The following MOG variants were observed in gnomAD, a reference collection of about 807,000 sequenced individuals.
MOG encodes myelin oligodendrocyte glycoprotein.
In MOG, 20 loss-of-function variants were observed where a neutral mutation model predicts 35.9. That is an observed-to-expected ratio of 0.56 (90% CI 0.39 to 0.81). The LOEUF (loss-of-function observed/expected upper bound fraction) is 0.81. Ranked by LOEUF, MOG falls within the 30% of genes least tolerant of loss-of-function variation. The pLI, the probability that MOG is intolerant of heterozygous loss-of-function variation, is 0.00. For missense variants in MOG, 251 were observed against 301.0 expected (o/e 0.83, Z 1.23); for synonymous variants, 92 against 114.3 (o/e 0.80, Z 1.25).
At chr6:29,665,334 G>A (rs1314812798) in intron 2 of MOG, among the ~76,000 whole-genome samples, 3 of 151,034 alleles carry the variant, frequency 2.0e-5, no homozygotes, top group African/African-American at 4.9e-5. Context: ...AACCTCAGGC[G>A]ATCCGCCCGC....
intron 2 of MOG, among the ~76,000 whole-genome samples, chr6:29,663,052 G>C (rs1769234773): frequency 6.6e-6 from 1 of 152,130 alleles, no homozygotes; most frequent in African/African-American, 2.4e-5. Context: ...GGCGAATCAT[G>C]AGGTCAAGAG....
rs1185015107 is a variant in MOG at position 29,662,790 on chromosome 6, T to A, written c.436+3124T>A. ...CATCCTCCCACCTCAGCCTACATAG[T>A]AGCTGGGACCACAGGCACACACCAC... On this transcript the variant is annotated intron_variant, in intron 2 of 7. Coordinates refer to ENST00000376917, the MANE Select transcript of MOG (RefSeq NM_206809.4). The surrounding 1 kb of genome is among the most constrained non-coding windows in gnomAD (Gnocchi z 4.2). Among the ~76,000 whole-genome samples the A allele has an allele frequency of 6.6e-6, 1 of 152,076 alleles. No homozygotes were observed. Among genetic ancestry groups the A allele is most frequent in the Non-Finnish European group, 1.5e-5 (1 of 67,998 alleles).
intron 5 of MOG, among the ~76,000 whole-genome samples, chr6:29,668,671 CCA>C (rs143079727): frequency 6.6e-6 from 1 of 151,602 alleles, no homozygotes. Context: ...AGTGTGTGGA[CCA>C]CACACACACA....
chr6:29,667,413 G>T (rs1370307117), intron 3 of MOG, among the ~76,000 whole-genome samples: 1 of 152,170 alleles, frequency 6.6e-6, no homozygotes, highest in Non-Finnish European at 1.5e-5. Context: ...GGATGCTTGT[G>T]CTGGCTTGGA....
chr6:29,668,546 A>G (rs1227830328), intron 5 of MOG, among the ~76,000 whole-genome samples: 1 of 152,240 alleles, frequency 6.6e-6, no homozygotes, highest in African/African-American at 2.4e-5. Context: ...TAGGGCACAG[A>G]TGGTACCTTC....
chr6:29,659,723 T>A, intron 2 of MOG, 57 bp downstream of exon 2: 1 of 1,403,416 alleles, frequency 7.1e-7, no homozygotes, highest in East Asian at 2.4e-5. Flanking sequence ...GAACAATTAT[T>A]CTCTCAACTG....
chr6:29,658,971 A>G (rs113678842), intron 1 of MOG, among the ~76,000 whole-genome samples: 10,259 of 151,972 alleles, frequency 0.068, 496 homozygotes, highest in African/African-American at 0.14. Context: ...AATTAGCTGG[A>G]TGCGGCGGTA....
Position 29,670,147 on chromosome 6 carries a change from C to T in MOG, c.593-134C>T, listed in dbSNP as rs1562208562. 1 of 1,461,626 alleles carries T rather than the reference C, an allele frequency of 6.8e-7. No homozygotes were observed. The highest frequency in any genetic ancestry group is 9.6e-7 in the Non-Finnish European group (1 of 1,040,944). 90.5% of individuals were successfully genotyped at this position (1,461,626 alleles called of 1,614,324 possible). On this transcript the variant is annotated intron_variant, in intron 5 of 7. Coordinates refer to ENST00000376917, the MANE Select transcript of MOG (RefSeq NM_206809.4). The surrounding 1 kb of genome is among the most constrained non-coding windows in gnomAD (Gnocchi z 4.2). ...AGGCAGTACTTTTCTCATCCAAGTT[C>T]ATGGACTTTCTGAATTTTGTCCCCA...
At chr6:29,667,835 C>A (rs1770555398) in intron 4 of MOG, 69 bp from the exon 5 acceptor site, 2 of 1,587,722 alleles carry the variant, frequency 1.3e-6, no homozygotes, top group East Asian at 2.2e-5. Context: ...AATTAAATAA[C>A]AAAGACTCAG....
In MOG at chr6:29,671,789, C is replaced by G. The variant is rs1771517491; in HGVS notation, c.*604C>G. On this transcript the variant is annotated 3_prime_UTR_variant, in exon 8 of 8. Coordinates refer to ENST00000376917, the MANE Select transcript of MOG (RefSeq NM_206809.4). ...CCTTGTCTTGGCAGCCTACTAGGGA[C>G]CTGGGGAAGCAAAAACGAAAGCTGG... is the stretch of plus-strand genomic sequence containing the variant. The G allele has an allele frequency of 2.7e-6, 1 of 374,582 alleles. No homozygotes were observed. Among genetic ancestry groups the G allele is most frequent in the Admixed American group, 4.1e-5 (1 of 24,296 alleles). 23.2% of individuals were successfully genotyped at this position (374,582 alleles called of 1,614,324 possible). A position where few individuals can be genotyped will look rare whatever the true frequency, so the allele number is the denominator to read the frequency against.
chr6:29,662,205 C>T lies in MOG; in HGVS notation c.436+2539C>T, dbSNP rs555550670. 10 of 984,340 alleles carry T rather than the reference C, an allele frequency of 1.0e-5. No individual in the cohort carries two copies. Among genetic ancestry groups the T allele is most frequent in the Non-Finnish European group, 1.1e-5 (9 of 829,134 alleles). 61.0% of individuals were successfully genotyped at this position (984,340 alleles called of 1,614,324 possible). Reference sequence around the variant, plus strand: ...CATTATGAAACATAAAAACAAATGCCAGGCGCGGCAGCTCACGCCTGTAAT... The same window carrying T: ...CATTATGAAACATAAAAACAAATGCTAGGCGCGGCAGCTCACGCCTGTAAT... On this transcript the variant is annotated intron_variant, in intron 2 of 7. Transcript: ENST00000376917. The surrounding 1 kb of genome is among the most constrained non-coding windows in gnomAD (Gnocchi z 4.2).
intron 5 of MOG, among the ~76,000 whole-genome samples, chr6:29,668,766 C>G (rs569172879): frequency 6.6e-6 from 1 of 152,234 alleles, no homozygotes; most frequent in African/African-American, 2.4e-5. Context: ...CTTTTTGTAC[C>G]ATGAATCTCT....
chr6:29,658,215 G>A lies in MOG; in HGVS notation c.88+918G>A, dbSNP rs150169785. ...CCAGTAGGTTTTTATAAAGGAACCCGGCTGTCACGTGCAGAGGAGAAATAA... is the reference window on the plus strand; with the variant it reads ...CCAGTAGGTTTTTATAAAGGAACCCAGCTGTCACGTGCAGAGGAGAAATAA... On this transcript the variant is annotated intron_variant, in intron 1 of 7. Transcript: ENST00000376917. Among the ~76,000 whole-genome samples the A allele has an allele frequency of 3.3e-4, 50 of 152,274 alleles. No individual in the cohort carries two copies. The East Asian group carries it at 5.4e-3, about 16-fold the overall frequency.
rs953745403 is a variant in MOG at position 29,662,988 on chromosome 6, G to A, written c.437-3164G>A. 1.3e-5 allele frequency among the ~76,000 whole-genome samples: 2 copies of A among 151,944 alleles called. No individual in the cohort carries two copies. The highest frequency in any genetic ancestry group is 4.8e-5 in the African/African-American group (2 of 41,352). On this transcript the variant is annotated intron_variant, in intron 2 of 7. Coordinates refer to ENST00000376917, the MANE Select transcript of MOG (RefSeq NM_206809.4). The surrounding 1 kb of genome is among the most constrained non-coding windows in gnomAD (Gnocchi z 4.2). ...AAGAACACTTTTTAAAAAATAAATA[G>A]GCCGGGCGCGGTGGCTCACACCTGT...
chr6:29,665,805 C>T (rs1345568473), intron 2 of MOG, among the ~76,000 whole-genome samples: 2 of 138,558 alleles, frequency 1.4e-5, no homozygotes, highest in Non-Finnish European at 3.1e-5. Flanking sequence ...TGCTTGTAGG[C>T]GATACACCAC....
chr6:29,659,365 C>A lies in MOG; in HGVS notation c.135C>A (p.Val45=), dbSNP rs1432366784. ...IGPRHPIRAL[V]GDEVELPCRI... ...CAAGACACCCTATCCGGGCTCTGGTCGGGGATGAAGTGGAATTGCCATGTC... is the reference window on the plus strand; with the variant it reads ...CAAGACACCCTATCCGGGCTCTGGTAGGGGATGAAGTGGAATTGCCATGTC... Residue 45 remains valine (V), a synonymous_variant, in exon 2 of 8, where the codon GTC becomes GTA. Coordinates refer to ENST00000376917, the MANE Select transcript of MOG (RefSeq NM_206809.4). 2 of 1,612,886 alleles carry A rather than the reference C, an allele frequency of 1.2e-6. No homozygotes were observed. The highest frequency in any genetic ancestry group is 2.2e-5 in the East Asian group (1 of 44,872).
rs753458439 is a variant in MOG, at chr6:29,659,387, T to C, written c.157T>C (p.Cys53Arg). ...GGTCGGGGATGAAGTGGAATTGCCA[T>C]GTCGCATATCTCCTGGGAAGAACGC... ...ALVGDEVELP[C>R]RISPGKNATG... The change falls in exon 2 of 8, where the codon TGT (cysteine) becomes CGT (arginine). Residue 53 changes from cysteine (C) to arginine (R), a missense_variant. Cys to Arg is a radical substitution (Grantham distance 180). Transcript: ENST00000376917. 1.9e-6 allele frequency: 3 copies of C among 1,613,002 alleles called. No individual in the cohort carries two copies. The highest frequency in any genetic ancestry group is 2.2e-5 in the East Asian group (1 of 44,870).
At chr6:29,660,919 G>T (rs1356063217) in intron 2 of MOG, among the ~76,000 whole-genome samples, 1 of 151,900 alleles carries the variant, frequency 6.6e-6, no homozygotes, top group Non-Finnish European at 1.5e-5. Flanking sequence ...AGGTTGTCAA[G>T]GTTGGTCTCA....
In MOG at chr6:29,672,103, A is replaced by T; in HGVS notation, c.*918A>T. ...GGAGTTCAAGACCAGCCTGGCCAAC[A>T]TGGTGAAACCCCATCTCTACTAAAA... is the stretch of plus-strand genomic sequence containing the variant. On this transcript the variant is annotated 3_prime_UTR_variant, in exon 8 of 8. Transcript: ENST00000376917. The T allele has an allele frequency of 6.5e-6, 1 of 153,904 alleles. No homozygotes were observed. The highest frequency in any genetic ancestry group is 1.4e-5 in the Non-Finnish European group (1 of 69,302). 9.5% of individuals were successfully genotyped at this position (153,904 alleles called of 1,614,324 possible).
Sources: gnomAD v4.1 joint callset for allele counts (sites outside exome capture counted in the v4.1 genomes callset) on GRCh38, gnomAD v4.1.1 for gene constraint, Gnocchi (gnomAD v3.1) non-coding constraint, MANE v1.5 for transcripts, NCBI Gene and HGNC (gene_info 2026-07-23, HGNC 2026-07-21) for gene names.